Variants in STRBP observed in about 807,000 individuals in gnomAD.
STRBP encodes spermatid perinuclear RNA-binding protein.
In STRBP, 13 loss-of-function variants were observed where a neutral mutation model predicts 80.1. The observed-to-expected ratio is 0.16, with a 90% confidence interval of 0.11 to 0.26. The LOEUF is 0.26. Among genes scored for constraint, STRBP ranks in the 10% least tolerant of loss-of-function variants. STRBP has a pLI of 1.00. For missense variants in STRBP, 485 were observed against 815.2 expected (o/e 0.59, Z 4.93); for synonymous variants, 284 against 291.2 (o/e 0.98, Z 0.25).
intron 5 of STRBP, among the ~76,000 whole-genome samples, chr9:123,172,919 C>T (rs2038068249): frequency 6.6e-6 from 1 of 152,076 alleles, no homozygotes; most frequent in African/African-American, 2.4e-5. Flanking sequence ...ATTTCTGTGG[C>T]ATTGATATGA....
chr9:123,150,571 G>A (rs921129272), intron 11 of STRBP, among the ~76,000 whole-genome samples: 1 of 151,978 alleles, frequency 6.6e-6, no homozygotes, highest in African/African-American at 2.4e-5. Context: ...TAGCCAAGCC[G>A]TGTTTTCTTA....
chr9:123,217,549 T>G (rs2039937038), intron 2 of STRBP, among the ~76,000 whole-genome samples: 1 of 152,196 alleles, frequency 6.6e-6, no homozygotes. Flanking sequence ...CAGCACCATG[T>G]GTTTACTTCC....
intron 2 of STRBP, among the ~76,000 whole-genome samples, chr9:123,191,163 G>C (rs148182857): frequency 1.2e-3 from 189 of 152,324 alleles, no homozygotes; most frequent in African/African-American, 4.1e-3. Flanking sequence ...AGCAAGTTGA[G>C]GAGGCAACAG....
In STRBP at chr9:123,241,813, C is replaced by G. The variant is rs78402187; in HGVS notation, c.-301-4847G>C. 7.5e-4 allele frequency among the ~76,000 whole-genome samples: 114 copies of G among 152,298 alleles called. 2 individuals carry two copies. In the East Asian group the frequency reaches 0.019, roughly 25 times the overall value. On this transcript the variant is annotated intron_variant, in intron 1 of 18. Transcript: ENST00000348403. ...GTTCTGGTCTCTCTCCATACAGCAA[C>G]CTTTTCACTCCCTTAATCGAAACAT...
At chr9:123,235,435 CT>C (rs2040527932) in intron 2 of STRBP, among the ~76,000 whole-genome samples, 1 of 146,906 alleles carries the variant, frequency 6.8e-6, no homozygotes, top group African/African-American at 2.5e-5. Context: ...GATACAACCA[CT>C]TTTATTTCTA....
intron 2 of STRBP, among the ~76,000 whole-genome samples, chr9:123,207,376 A>C (rs803728): frequency 6.6e-6 from 1 of 152,036 alleles, no homozygotes; most frequent in Non-Finnish European, 1.5e-5. Flanking sequence ...TCAAAAACAA[A>C]GTTGGAGGAA....
rs989609057 is a variant in STRBP, at chr9:123,124,830, G to A, written c.*767C>T. On this transcript the variant is annotated 3_prime_UTR_variant, in exon 19 of 19. Coordinates refer to ENST00000348403, the MANE Select transcript of STRBP (RefSeq NM_018387.5). ...TTTAATAAGCAATGCTCAAATAACA[G>A]AATGGAACCTTTATCATGGGGATGG... The A allele has an allele frequency of 1.0e-6, 1 of 985,290 alleles. No homozygotes were observed. The highest frequency in any genetic ancestry group is 6.2e-5 in the Admixed American group (1 of 16,260). The allele number at this position is 985,290 out of a possible 1,614,324, so 61.0% of individuals were successfully genotyped here.
chr9:123,135,969 T>A, intron 16 of STRBP, 72 bp downstream of exon 16: 1 of 1,581,618 alleles, frequency 6.3e-7, no homozygotes, highest in South Asian at 1.2e-5. Context: ...AAGTGCCACA[T>A]GGACAGGAAA....
intron 3 of STRBP, chr9:123,180,947 A>G (rs1170545110): frequency 6.1e-6 from 6 of 984,816 alleles, no homozygotes; most frequent in Non-Finnish European, 7.2e-6. Context: ...TTTTTTATGA[A>G]CAGTCTTGCC....
At position 123,243,452 on chromosome 9, in the gene STRBP, G is replaced by A. The variant is rs573615930; in HGVS notation, c.-301-6486C>T. 2.0e-5 allele frequency among the ~76,000 whole-genome samples: 3 copies of A among 152,192 alleles called. No homozygotes were observed. The South Asian group carries it at 6.2e-4, about 32-fold the overall frequency. On this transcript the variant is annotated intron_variant, in intron 1 of 18. Transcript: ENST00000348403. Reference sequence around the variant, plus strand: ...CTTGCAAAAGCAAGATTCGTAAAAGGAAAACCTGATAAACTAGACTTGGTC... The same window carrying A: ...CTTGCAAAAGCAAGATTCGTAAAAGAAAAACCTGATAAACTAGACTTGGTC...
chr9:123,215,320 G>A (rs886753155), intron 2 of STRBP, among the ~76,000 whole-genome samples: 2 of 151,826 alleles, frequency 1.3e-5, no homozygotes, highest in Non-Finnish European at 2.9e-5. Context: ...GCCTCCCAAA[G>A]CTCTGGGATT....
rs2035854413 is a variant in STRBP at position 123,125,407 on chromosome 9, TTTC to T, written c.*187_*189del. The T allele has an allele frequency of 1.2e-5, 15 of 1,222,398 alleles. 1 individual carries two copies. In the African/African-American group the frequency reaches 1.5e-4, roughly 12 times the overall value. 75.7% of individuals were successfully genotyped at this position (1,222,398 alleles called of 1,614,324 possible). A position where few individuals can be genotyped will look rare whatever the true frequency, so the allele number is the denominator to read the frequency against. ...TGAGGTACCGTTTTCACAGAACTGG[TTTC>T]TTTTTTTTTTTTCAAGTTTTAGAGA... On this transcript the variant is annotated 3_prime_UTR_variant, in exon 19 of 19. Coordinates refer to ENST00000348403, the MANE Select transcript of STRBP (RefSeq NM_018387.5).
At chr9:123,183,802 GA>G (rs1041904842) in intron 3 of STRBP, among the ~76,000 whole-genome samples, 1 of 151,658 alleles carries the variant, frequency 6.6e-6, no homozygotes, top group African/African-American at 2.4e-5. Flanking sequence ...ATTTCCACAA[GA>G]AAAAAAACTG....
intron 6 of STRBP, 79 bp from the exon 7 acceptor site, chr9:123,161,147 TA>T (rs2037507571): frequency 9.0e-7 from 1 of 1,111,046 alleles, no homozygotes; most frequent in Non-Finnish European, 1.3e-6. Flanking sequence ...CAATAAAAAA[TA>T]AAAAGAATAA....
At chr9:123,143,567 G>T (rs999950731) in intron 13 of STRBP, among the ~76,000 whole-genome samples, 1 of 152,180 alleles carries the variant, frequency 6.6e-6, no homozygotes, top group East Asian at 1.9e-4. Flanking sequence ...TATAAACAAC[G>T]CATAACATGT....
chr9:123,259,777 G>T (rs1404092256), intron 1 of STRBP, among the ~76,000 whole-genome samples: 1 of 152,148 alleles, frequency 6.6e-6, no homozygotes, highest in Non-Finnish European at 1.5e-5. Context: ...TAAGAGGTAG[G>T]TGTAATAAGG....
At chr9:123,147,601 C>T (rs929765453) in intron 12 of STRBP, among the ~76,000 whole-genome samples, 177 bp downstream of exon 12, 3 of 150,656 alleles carry the variant, frequency 2.0e-5, no homozygotes, top group African/African-American at 7.3e-5. Context: ...TCACTTGAGC[C>T]CAGGAGGTGG....
chr9:123,229,658 T>G (rs1411190657), intron 2 of STRBP, among the ~76,000 whole-genome samples: 1 of 152,156 alleles, frequency 6.6e-6, no homozygotes, highest in Non-Finnish European at 1.5e-5. Context: ...TAGAAGCACA[T>G]GTAGTTTATC....
At position 123,121,958 on chromosome 9, in the gene STRBP, CA is replaced by C. The variant is rs2035747551; in HGVS notation, c.*3638del. The C allele has an allele frequency of 6.1e-6, 1 of 162,736 alleles. No homozygotes were observed. Among genetic ancestry groups the C allele is most frequent in the Admixed American group, 6.2e-5 (1 of 16,110 alleles). The allele number at this position is 162,736 out of a possible 1,614,324, so 10.1% of individuals were successfully genotyped here. ...TATATCCTAAGTTTCTACACACACA[CA>C]CACACACACACACACTTAGTGTAAG... On this transcript the variant is annotated 3_prime_UTR_variant, in exon 19 of 19. Transcript: ENST00000348403.
Sources: gnomAD v4.1 joint callset for allele counts (sites outside exome capture counted in the v4.1 genomes callset) on GRCh38, gnomAD v4.1.1 for gene constraint, MANE v1.5 for transcripts, NCBI Gene and HGNC (gene_info 2026-07-23, HGNC 2026-07-21) for gene names.